TCF7L2: variants seen among roughly 807,000 people sequenced by gnomAD.
The protein encoded by TCF7L2 is transcription factor 7 like 2.
Under a neutral mutation model 77.9 loss-of-function variants are expected in TCF7L2, and 23 were observed. The observed-to-expected ratio is 0.30, with a 90% CI of 0.21 to 0.42. The LOEUF (loss-of-function observed/expected upper bound fraction) is 0.42, where lower values mean the gene tolerates loss of function less well. TCF7L2 is among the 10% of genes least tolerant of loss of function. The pLI is 1.00. For missense variants in TCF7L2, 654 were observed against 793.1 expected (o/e 0.82, Z 2.11); for synonymous variants, 413 against 340.2 (o/e 1.21, Z -2.36).
chr10:113,057,440 G>A (rs967911603), intron 5 of TCF7L2, among the ~76,000 whole-genome samples: 56 of 152,264 alleles, frequency 3.7e-4, no homozygotes, highest in African/African-American at 1.3e-3. Flanking sequence ...CGAAGTGGTG[G>A]GATTATAGGC....
chr10:113,154,112 A>C (rs1225722760), intron 11 of TCF7L2, among the ~76,000 whole-genome samples: 1 of 152,072 alleles, frequency 6.6e-6, no homozygotes, highest in Non-Finnish European at 1.5e-5. Flanking sequence ...ACTGCTTGGG[A>C]CCTTTCTGTT....
At chr10:113,050,725 G>C (rs1341825340) in intron 5 of TCF7L2, among the ~76,000 whole-genome samples, 1 of 152,142 alleles carries the variant, frequency 6.6e-6, no homozygotes, top group Non-Finnish European at 1.5e-5. Flanking sequence ...AGTGACCAAG[G>C]CAAGACATTG....
chr10:113,077,642 T>G (rs980717934), intron 5 of TCF7L2, among the ~76,000 whole-genome samples: 2 of 152,114 alleles, frequency 1.3e-5, no homozygotes, highest in Non-Finnish European at 2.9e-5. Flanking sequence ...CTTAAATGTT[T>G]TCAAGGTTCG....
At chr10:113,126,893 C>T in intron 5 of TCF7L2, 1 of 985,396 alleles carries the variant, frequency 1.0e-6, no homozygotes, top group Non-Finnish European at 1.2e-6. Context: ...TAAGCGCGGC[C>T]GGCGGCGGGC....
chr10:112,976,011 T>A (rs1564734340), intron 4 of TCF7L2, among the ~76,000 whole-genome samples: 1 of 152,134 alleles, frequency 6.6e-6, no homozygotes, highest in Non-Finnish European at 1.5e-5. Flanking sequence ...CAGGTACGAG[T>A]GGAGGTGAAT....
intron 13 of TCF7L2, among the ~76,000 whole-genome samples, chr10:113,163,447 C>T (rs1479015427): frequency 6.6e-6 from 1 of 152,092 alleles, no homozygotes; most frequent in East Asian, 1.9e-4. Flanking sequence ...CCTTTCCTTT[C>T]CTCTCTCTGT....
intron 4 of TCF7L2, among the ~76,000 whole-genome samples, chr10:113,025,229 T>TC (rs993204945): frequency 1.3e-5 from 2 of 149,630 alleles, no homozygotes; most frequent in African/African-American, 5.0e-5. Context: ...TTTTTTTTTT[T>TC]TTTTTTTTTT....
intron 8 of TCF7L2, among the ~76,000 whole-genome samples, chr10:113,147,325 T>TG (rs1564962389): frequency 6.6e-6 from 1 of 152,198 alleles, no homozygotes; most frequent in Non-Finnish European, 1.5e-5. Flanking sequence ...CAGGTCAAGA[T>TG]GCTGCTTTTC....
At chr10:113,053,669 A>G (rs1564831189) in intron 5 of TCF7L2, among the ~76,000 whole-genome samples, 1 of 152,206 alleles carries the variant, frequency 6.6e-6, no homozygotes, top group Non-Finnish European at 1.5e-5. Flanking sequence ...CCTCATTTTG[A>G]TCGTTACAGA....
chr10:113,078,595 A>C (rs1422614310), intron 5 of TCF7L2, among the ~76,000 whole-genome samples: 1 of 152,034 alleles, frequency 6.6e-6, no homozygotes, highest in Non-Finnish European at 1.5e-5. Flanking sequence ...CTGGTCTTGA[A>C]TTCCTGGCCT....
intron 5 of TCF7L2, among the ~76,000 whole-genome samples, chr10:113,133,930 G>A (rs1300191747): frequency 2.0e-5 from 3 of 152,208 alleles, no homozygotes; most frequent in Non-Finnish European, 2.9e-5. Context: ...CCCGGCCAGA[G>A]GATGCAGGCT....
intron 4 of TCF7L2, among the ~76,000 whole-genome samples, chr10:113,035,752 C>G (rs924620390): frequency 6.6e-6 from 1 of 152,198 alleles, no homozygotes; most frequent in Non-Finnish European, 1.5e-5. Context: ...TATTTTCTGA[C>G]ACAGGAAAAT....
intron 5 of TCF7L2, chr10:113,133,366 C>T (rs2066901939): frequency 6.6e-6 from 1 of 152,272 alleles, no homozygotes; most frequent in Admixed American, 6.5e-5. Flanking sequence ...ATTCCTCCAT[C>T]CCAACACCTC....
At position 113,071,942 on chromosome 10, in the gene TCF7L2, A is replaced by G. The variant is rs561456511; in HGVS notation, c.552+31816A>G. Among the ~76,000 whole-genome samples the G allele has an allele frequency of 2.6e-5, 4 of 152,400 alleles. No individual in the cohort carries two copies. The South Asian group carries it at 8.3e-4, about 32-fold the overall frequency. On this transcript the variant is annotated intron_variant, in intron 5 of 13. Transcript: ENST00000627217. ...AATTGTGGGTGCACTCTGCTTCAGCAGTACTCTCCAAGGAGAATGATTGTT... is the reference window on the plus strand; with the variant it reads ...AATTGTGGGTGCACTCTGCTTCAGCGGTACTCTCCAAGGAGAATGATTGTT...
At chr10:113,098,186 T>C (rs1290755107) in intron 5 of TCF7L2, among the ~76,000 whole-genome samples, 6 of 152,028 alleles carry the variant, frequency 3.9e-5, no homozygotes, top group African/African-American at 1.4e-4. Flanking sequence ...CTCCTGACCC[T>C]TGTGATGTAA....
At chr10:113,018,444 CTTTTTTT>C (rs35916053) in intron 4 of TCF7L2, among the ~76,000 whole-genome samples, 2 of 92,548 alleles carry the variant, frequency 2.2e-5, no homozygotes, top group African/African-American at 1.0e-4. Flanking sequence ...CTCCTGAGTC[CTTTTTTT>C]TTTTTTTTTT....
At chr10:113,071,502 C>T (rs963312143) in intron 5 of TCF7L2, among the ~76,000 whole-genome samples, 1 of 152,114 alleles carries the variant, frequency 6.6e-6, no homozygotes, top group Non-Finnish European at 1.5e-5. Context: ...CAGGAAACCC[C>T]TCCTTTTCTC....
At chr10:112,981,318 A>AT (rs2040432922) in intron 4 of TCF7L2, among the ~76,000 whole-genome samples, 3 of 152,094 alleles carry the variant, frequency 2.0e-5, no homozygotes, top group Admixed American at 1.3e-4. Flanking sequence ...CAAAAAAAAA[A>AT]AAATAAAGAA....
chr10:113,130,060 C>T (rs2066327330), intron 5 of TCF7L2: 2 of 1,038,362 alleles, frequency 1.9e-6, no homozygotes, highest in Non-Finnish European at 2.3e-6. Flanking sequence ...TGGTATTGAC[C>T]ATTAAACCTA....
Sources: allele counts gnomAD v4.1 joint callset (sites outside exome capture counted in the v4.1 genomes callset), GRCh38; gene constraint gnomAD v4.1.1; transcripts MANE v1.5; gene names NCBI Gene and HGNC (gene_info 2026-07-23, HGNC 2026-07-21).